IGFBP7: variants seen among roughly 807,000 people sequenced by gnomAD.
IGFBP7 encodes insulin like growth factor binding protein 7.
A neutral mutation model predicts 29.4 loss-of-function variants in IGFBP7; 31 were observed. The observed-to-expected ratio is 1.05, with a 90% CI of 0.79 to 1.42. IGFBP7 has a LOEUF of 1.42. Among genes scored for constraint, IGFBP7 ranks in the 40% most tolerant of loss-of-function variants. The pLI, the probability that IGFBP7 is intolerant of heterozygous loss-of-function variation, is 0.00. For synonymous variants in IGFBP7, 172 were observed against 174.9 expected (o/e 0.98, Z 0.13); for missense variants, 393 against 395.5 (o/e 0.99, Z 0.05).
intron 4 of IGFBP7, 49 bp from the exon 5 acceptor site, chr4:57,031,385 G>A: frequency 1.4e-6 from 2 of 1,436,608 alleles, no homozygotes; most frequent in Non-Finnish European, 1.9e-6. Context: ...TGGGGATGTG[G>A]TTGACTTTTG....
At chr4:57,107,347 A>T (rs1252974129) in intron 1 of IGFBP7, among the ~76,000 whole-genome samples, 1 of 152,206 alleles carries the variant, frequency 6.6e-6, no homozygotes, top group African/African-American at 2.4e-5. Flanking sequence ...GTTATACTCA[A>T]GCATAACTTA....
At chr4:57,088,857 C>T (rs575160644) in intron 1 of IGFBP7, among the ~76,000 whole-genome samples, 1 of 151,792 alleles carries the variant, frequency 6.6e-6, no homozygotes, top group Non-Finnish European at 1.5e-5. Flanking sequence ...TGCTGAAACC[C>T]CATCTCTACC....
At chr4:57,099,341 T>G (rs1452017320) in intron 1 of IGFBP7, among the ~76,000 whole-genome samples, 1 of 152,220 alleles carries the variant, frequency 6.6e-6, no homozygotes, top group Non-Finnish European at 1.5e-5. Flanking sequence ...GCATGAATTT[T>G]CCTTCTGCAA....
At chr4:57,107,609 T>C (rs186447014) in intron 1 of IGFBP7, among the ~76,000 whole-genome samples, 2 of 152,350 alleles carry the variant, frequency 1.3e-5, no homozygotes, top group African/African-American at 4.8e-5. Context: ...TTCTGCTCTC[T>C]TTGGCATTCT....
intron 1 of IGFBP7, among the ~76,000 whole-genome samples, chr4:57,087,647 G>A (rs1725529434): frequency 6.6e-6 from 1 of 152,216 alleles, no homozygotes; most frequent in Admixed American, 6.5e-5. Context: ...ATATTTGAGA[G>A]TTGTTACTAC....
At chr4:57,092,949 A>G (rs544993393) in intron 1 of IGFBP7, among the ~76,000 whole-genome samples, 1 of 152,180 alleles carries the variant, frequency 6.6e-6, no homozygotes, top group Middle Eastern at 3.4e-3. Flanking sequence ...TACTTGCTAA[A>G]TGAAAAACAA....
chr4:57,030,969 C>T lies in IGFBP7; in HGVS notation c.*348G>A, dbSNP rs370454929. The T allele has an allele frequency of 1.1e-5, 17 of 1,588,400 alleles. No individual in the cohort carries two copies. Among genetic ancestry groups the T allele is most frequent in the South Asian group, 1.1e-5 (1 of 90,524 alleles). ...GAACTTATGTCTATGAGTATTGCAC[C>T]GCGAATGATGAGTGTTTAGCTATTT... On this transcript the variant is annotated 3_prime_UTR_variant, in exon 5 of 5. Transcript: ENST00000295666.
chr4:57,075,171 A>G (rs1355735373), intron 1 of IGFBP7, among the ~76,000 whole-genome samples: 2 of 152,246 alleles, frequency 1.3e-5, no homozygotes, highest in African/African-American at 4.8e-5. Flanking sequence ...TAAAATGAGT[A>G]TAGCTTTGGA....
At chr4:57,061,213 A>G (rs1345247456) in intron 1 of IGFBP7, among the ~76,000 whole-genome samples, 1 of 152,170 alleles carries the variant, frequency 6.6e-6, no homozygotes, top group Non-Finnish European at 1.5e-5. Context: ...TTATCCCTTC[A>G]GGGGATACTT....
intron 1 of IGFBP7, among the ~76,000 whole-genome samples, chr4:57,050,090 A>T (rs997899340): frequency 1.3e-5 from 2 of 151,892 alleles, no homozygotes; most frequent in African/African-American, 4.8e-5. Context: ...GGAGATGCAA[A>T]TTAATTTGAA....
At chr4:57,066,654 C>G (rs767839512) in intron 1 of IGFBP7, among the ~76,000 whole-genome samples, 1 of 151,002 alleles carries the variant, frequency 6.6e-6, no homozygotes, top group Non-Finnish European at 1.5e-5. Context: ...ACCTCCGCCT[C>G]TTGGGTTCAA....
At chr4:57,074,953 T>C (rs376024882) in intron 1 of IGFBP7, among the ~76,000 whole-genome samples, 50 of 152,354 alleles carry the variant, frequency 3.3e-4, no homozygotes, top group African/African-American at 1.2e-3. Flanking sequence ...AACAGTGCCA[T>C]GTGGGGAAAT....
chr4:57,101,980 T>A (rs1725907273), intron 1 of IGFBP7, among the ~76,000 whole-genome samples: 2 of 152,198 alleles, frequency 1.3e-5, no homozygotes, highest in South Asian at 4.1e-4. Context: ...CAAATAAAGG[T>A]TACACTCATA....
chr4:57,110,338 G>C lies in IGFBP7; in HGVS notation c.14C>G (p.Ser5Trp), dbSNP rs1056201301. The C allele has an allele frequency of 2.9e-6, 4 of 1,385,332 alleles. No individual in the cohort carries two copies. The Admixed American group carries it at 8.3e-5, about 29-fold the overall frequency. 85.8% of individuals were successfully genotyped at this position (1,385,332 alleles called of 1,614,324 possible). The change falls in exon 1 of 5, where the codon TCG (serine) becomes TGG (tryptophan). Residue 5 changes from serine (S) to tryptophan (W), a missense_variant. Transcript: ENST00000295666. MERPSLRALLLGAAG... is the reference protein window; with the variant it reads MERPWLRALLLGAAG... ...GGCGCCGAGGAGCAGGGCGCGCAGC[G>C]ACGGCCGCTCCATGGCGGGGTGCGG...
intron 4 of IGFBP7, 86 bp downstream of exon 4, chr4:57,032,340 A>G: frequency 1.9e-6 from 3 of 1,545,398 alleles, no homozygotes; most frequent in Admixed American, 3.9e-5. Context: ...ATCAATAGCT[A>G]CGTCTGATAC....
At chr4:57,088,863 C>A (rs1234045363) in intron 1 of IGFBP7, among the ~76,000 whole-genome samples, 1 of 151,816 alleles carries the variant, frequency 6.6e-6, no homozygotes, top group Non-Finnish European at 1.5e-5. Context: ...AACCCCATCT[C>A]TACCAAAAAA....
At chr4:57,040,497 CACAG>C (rs1335944395) in intron 2 of IGFBP7, among the ~76,000 whole-genome samples, 1 of 152,202 alleles carries the variant, frequency 6.6e-6, no homozygotes, top group Non-Finnish European at 1.5e-5. Context: ...AGGGCGCAAA[CACAG>C]ACACACACAC....
At chr4:57,064,368 A>G (rs549091926) in intron 1 of IGFBP7, among the ~76,000 whole-genome samples, 2 of 152,278 alleles carry the variant, frequency 1.3e-5, no homozygotes, top group African/African-American at 4.8e-5. Flanking sequence ...AAACAAATAA[A>G]ACTGCAGAAG....
chr4:57,034,591 T>A (rs1462541057), intron 2 of IGFBP7, among the ~76,000 whole-genome samples: 1 of 152,044 alleles, frequency 6.6e-6, no homozygotes, highest in Admixed American at 6.6e-5. Context: ...ATATATACAC[T>A]TTATTAACTT....
Sources: gnomAD v4.1 joint callset for allele counts (sites outside exome capture counted in the v4.1 genomes callset) on GRCh38, gnomAD v4.1.1 for gene constraint, MANE v1.5 for transcripts, NCBI Gene and HGNC (gene_info 2026-07-23, HGNC 2026-07-21) for gene names.